CDC42SE2: variants seen among roughly 807,000 people sequenced by gnomAD.
CDC42SE2 encodes the protein CDC42 small effector protein 2.
A neutral mutation model predicts 11.5 loss-of-function variants in CDC42SE2; 3 were observed. The observed-to-expected ratio is 0.26, with a 90% CI of 0.12 to 0.67. CDC42SE2 has a LOEUF of 0.67. Ranked by LOEUF, CDC42SE2 falls within the 30% of genes least tolerant of loss-of-function variation. The probability of loss-of-function intolerance (pLI) is 0.80; values close to 1 mark genes in which losing one functional copy is unlikely to be tolerated. For missense variants in CDC42SE2, 82 were observed against 106.8 expected, an observed-to-expected ratio of 0.77 and a Z score of 1.02; for synonymous variants, 33 against 34.8, an observed-to-expected ratio of 0.95 and a Z score of 0.18.
chr5:131,228,967 C>G, the CDC42SE2 span, among the ~76,000 whole-genome samples: 4 of 152,140 alleles, frequency 2.6e-5, no homozygotes, highest in African/African-American at 9.7e-5. Flanking sequence ...GCTGTTTAAG[C>G]CATCCAGTGT....
chr5:131,341,203 C>T (rs1230247972), intron 2 of CDC42SE2, among the ~76,000 whole-genome samples: 2 of 152,008 alleles, frequency 1.3e-5, no homozygotes, highest in Non-Finnish European at 1.5e-5. Context: ...CATTCAGACC[C>T]CAGTACAATG....
intron 3 of CDC42SE2, among the ~76,000 whole-genome samples, chr5:131,370,211 ATTG>A (rs1749977158): frequency 6.6e-6 from 1 of 152,212 alleles, no homozygotes; most frequent in African/African-American, 2.4e-5. Flanking sequence ...TTATTTTATT[ATTG>A]TTGTTATGAC....
chr5:131,238,476 C>A, the CDC42SE2 span, among the ~76,000 whole-genome samples: 821 of 145,048 alleles, frequency 5.7e-3, 3 homozygotes, highest in Non-Finnish European at 8.9e-3. Flanking sequence ...GCACTCCAGC[C>A]TGAGCGACAA....
the CDC42SE2 span, among the ~76,000 whole-genome samples, chr5:131,239,173 A>T: frequency 1.3e-4 from 19 of 151,976 alleles, no homozygotes; most frequent in East Asian, 3.7e-3. Context: ...AAAAAATAAA[A>T]TAAAAATAAG....
At chr5:131,248,949 G>A (rs1401739195) in intron 1 of CDC42SE2, among the ~76,000 whole-genome samples, 1 of 148,954 alleles carries the variant, frequency 6.7e-6, no homozygotes, top group Non-Finnish European at 1.5e-5. Flanking sequence ...AATGGAACTT[G>A]ATAAGATTAC....
the CDC42SE2 span, among the ~76,000 whole-genome samples, chr5:131,210,315 C>T: frequency 1.3e-5 from 2 of 152,158 alleles, no homozygotes; most frequent in Non-Finnish European, 2.9e-5. Flanking sequence ...TGCTTTTAAC[C>T]ACTTCCTTCT....
chr5:131,364,302 AGGC>A (rs199555786), intron 3 of CDC42SE2, among the ~76,000 whole-genome samples: 2,020 of 152,330 alleles, frequency 0.013, 34 homozygotes, highest in African/African-American at 0.043. Context: ...AGTGCTGTAT[AGGC>A]ACAAGTTTAA....
chr5:131,319,857 C>T (rs980079782), intron 2 of CDC42SE2, among the ~76,000 whole-genome samples: 2 of 151,464 alleles, frequency 1.3e-5, no homozygotes, highest in Non-Finnish European at 2.9e-5. Context: ...TGAGACCATC[C>T]TGGCTAAAGC....
At chr5:131,335,619 A>T (rs575051650) in intron 2 of CDC42SE2, among the ~76,000 whole-genome samples, 3 of 152,188 alleles carry the variant, frequency 2.0e-5, no homozygotes, top group South Asian at 2.1e-4. Context: ...TTTGTAGGTC[A>T]CTTAAGGACT....
Position 131,392,721 on chromosome 5 carries a change from AT to A in CDC42SE2, c.*1632del, listed in dbSNP as rs532852220. 1 of 152,290 alleles carries A rather than the reference AT, an allele frequency of 6.6e-6. No homozygotes were observed. The highest frequency in any genetic ancestry group is 1.5e-5 in the Non-Finnish European group (1 of 68,030). 9.4% of individuals were successfully genotyped at this position (152,290 alleles called of 1,614,324 possible). On this transcript the variant is annotated 3_prime_UTR_variant, in exon 5 of 5. Coordinates refer to ENST00000505065, the MANE Select transcript of CDC42SE2 (RefSeq NM_001375635.1). Reference sequence around the variant, plus strand: ...AATCCTGAGCATCTTCATCTTATTAATTAGCTGTTCGTTTCTTTGTGCACTC... The same window carrying A: ...AATCCTGAGCATCTTCATCTTATTAATAGCTGTTCGTTTCTTTGTGCACTC...
At position 131,393,138 on chromosome 5, in the gene CDC42SE2, A is replaced by G. The variant is rs964878643; in HGVS notation, c.*2047A>G. The G allele has an allele frequency of 6.6e-6, 1 of 152,350 alleles. No homozygotes were observed. Among genetic ancestry groups the G allele is most frequent in the Non-Finnish European group, 1.5e-5 (1 of 68,032 alleles). 9.4% of individuals were successfully genotyped at this position (152,350 alleles called of 1,614,324 possible). On this transcript the variant is annotated 3_prime_UTR_variant, in exon 5 of 5. Coordinates refer to ENST00000505065, the MANE Select transcript of CDC42SE2 (RefSeq NM_001375635.1). ...GTCCAATTCAAGCCTATCTAACTAC[A>G]TTTGGTAGGATTAACATTTCATATA...
chr5:131,241,653 C>T (rs1471255147), upstream of CDC42SE2, among the ~76,000 whole-genome samples: 1 of 151,940 alleles, frequency 6.6e-6, no homozygotes, highest in Admixed American at 6.6e-5. Context: ...CTTGATTCAC[C>T]CCCTTCTCAC....
At chr5:131,339,442 G>A (rs761077539) in intron 2 of CDC42SE2, among the ~76,000 whole-genome samples, 7 of 151,928 alleles carry the variant, frequency 4.6e-5, no homozygotes, top group Non-Finnish European at 1.0e-4. Flanking sequence ...TATTTAAAAT[G>A]TCTAAATAAA....
chr5:131,266,424 A>G (rs961113596), intron 1 of CDC42SE2, among the ~76,000 whole-genome samples: 1 of 149,888 alleles, frequency 6.7e-6, no homozygotes, highest in African/African-American at 2.4e-5. Flanking sequence ...TAGAAGTTTC[A>G]GATTTTGGAC....
the CDC42SE2 span, among the ~76,000 whole-genome samples, chr5:131,214,561 C>T: frequency 6.6e-6 from 1 of 151,998 alleles, no homozygotes. Flanking sequence ...AGATAGGATT[C>T]CCAGAGAAAC....
chr5:131,273,765 C>G (rs1447749086), intron 1 of CDC42SE2, among the ~76,000 whole-genome samples: 1 of 145,672 alleles, frequency 6.9e-6, no homozygotes, highest in Non-Finnish European at 1.5e-5. Flanking sequence ...GAGACTCCGT[C>G]TCAAAAAAAA....
intron 2 of CDC42SE2, among the ~76,000 whole-genome samples, chr5:131,331,683 G>T (rs972224480): frequency 2.0e-5 from 3 of 152,068 alleles, no homozygotes; most frequent in African/African-American, 4.8e-5. Context: ...AAAGAACAGA[G>T]AATCCAAGAA....
upstream of CDC42SE2, among the ~76,000 whole-genome samples, chr5:131,244,406 T>C (rs930985711): frequency 2.6e-5 from 4 of 152,124 alleles, no homozygotes; most frequent in African/African-American, 9.7e-5. Context: ...TGTTCAATTT[T>C]AAGCACACAA....
At chr5:131,264,807 A>G (rs997122376) in intron 1 of CDC42SE2, among the ~76,000 whole-genome samples, 1 of 152,240 alleles carries the variant, frequency 6.6e-6, no homozygotes, top group Non-Finnish European at 1.5e-5. Context: ...CGGCTCCTTG[A>G]TGCCGCATTA....
Sources: allele counts gnomAD v4.1 joint callset (sites outside exome capture counted in the v4.1 genomes callset), GRCh38; gene constraint gnomAD v4.1.1; transcripts MANE v1.5; gene names NCBI Gene and HGNC (gene_info 2026-07-23, HGNC 2026-07-21).